Variants in DPH6 observed in about 807,000 individuals in gnomAD.
DPH6 encodes the protein diphthamine biosynthesis 6.
Under a neutral mutation model 38.2 loss-of-function variants are expected in DPH6, and 33 were observed. That is an observed-to-expected ratio of 0.86 (90% CI 0.65 to 1.15). The LOEUF (loss-of-function observed/expected upper bound fraction) is 1.15. DPH6 is among the 50% of genes most tolerant of loss of function. DPH6 has a pLI of 0.00. For synonymous variants in DPH6, 108 were observed against 103.0 expected (o/e 1.05, Z -0.30); for missense variants, 325 against 320.0 (o/e 1.02, Z -0.12).
At chr15:35,402,796 C>T (rs534568997) in intron 6 of DPH6, among the ~76,000 whole-genome samples, 3 of 151,874 alleles carry the variant, frequency 2.0e-5, no homozygotes, top group African/African-American at 7.2e-5. Flanking sequence ...AGAAAATAAC[C>T]AGAAATGTGC....
At chr15:35,441,844 G>A (rs2053793138) in intron 5 of DPH6, among the ~76,000 whole-genome samples, 4 of 152,002 alleles carry the variant, frequency 2.6e-5, no homozygotes, top group African/African-American at 9.7e-5. Flanking sequence ...GTATGTGTGT[G>A]TGTATACATA....
chr15:35,346,213 G>C (rs959978080), intron 3 of DPH6, among the ~76,000 whole-genome samples: 24 of 151,854 alleles, frequency 1.6e-4, no homozygotes, highest in African/African-American at 4.6e-4. Flanking sequence ...TCCCCCTTCT[G>C]TTTTCTGGGA....
At chr15:35,476,534 T>A (rs532263147) in intron 3 of DPH6, among the ~76,000 whole-genome samples, 1 of 151,960 alleles carries the variant, frequency 6.6e-6, no homozygotes, top group African/African-American at 2.4e-5. Flanking sequence ...CTAAAGTTTT[T>A]AAAAAATCCA....
the DPH6 span, among the ~76,000 whole-genome samples, chr15:35,172,551 C>A: frequency 6.6e-6 from 1 of 152,154 alleles, no homozygotes; most frequent in South Asian, 2.1e-4. Flanking sequence ...ATAATTAATT[C>A]CTAAAGCATA....
intron 3 of DPH6, chr15:35,520,732 T>C (rs965796794): frequency 5.1e-6 from 5 of 984,840 alleles, no homozygotes; most frequent in Admixed American, 6.2e-5. Flanking sequence ...AATTATAATA[T>C]GATCAAACCA....
chr15:35,376,324 T>A lies in DPH6; in HGVS notation c.663-2716A>T, dbSNP rs189766577. On this transcript the variant is annotated intron_variant, in intron 7 of 8. Transcript: ENST00000256538. Reference sequence around the variant, plus strand: ...AATTACACACTAATTAGTGAAACTATTAGAAACTCACAGTGATTTTTCAAT... The same window carrying A: ...AATTACACACTAATTAGTGAAACTAATAGAAACTCACAGTGATTTTTCAAT... Among the ~76,000 whole-genome samples the A allele has an allele frequency of 5.3e-3, 806 of 152,190 alleles. 8 individuals are homozygous for A. The highest frequency in any genetic ancestry group is 0.019 in the African/African-American group (777 of 41,510).
intron 6 of DPH6, among the ~76,000 whole-genome samples, chr15:35,384,746 TGAG>T (rs1252548027): frequency 5.0e-4 from 76 of 152,118 alleles, no homozygotes; most frequent in African/African-American, 1.8e-3. Flanking sequence ...CATGCAGGGA[TGAG>T]GAGAAGGAAC....
intron 7 of DPH6, among the ~76,000 whole-genome samples, chr15:35,379,050 C>A (rs778373123): frequency 2.4e-4 from 36 of 152,176 alleles, no homozygotes; most frequent in Admixed American, 5.2e-4. Context: ...AGAGGAGAAT[C>A]TGTTCCTTGC....
chr15:35,359,613 G>T (rs964870453), intron 3 of DPH6, among the ~76,000 whole-genome samples: 6 of 152,082 alleles, frequency 3.9e-5, no homozygotes, highest in African/African-American at 1.2e-4. Flanking sequence ...AGCTAAAGTC[G>T]GAAACTTCTC....
intron 3 of DPH6, among the ~76,000 whole-genome samples, chr15:35,263,257 T>C (rs538003150): frequency 6.6e-6 from 1 of 152,272 alleles, no homozygotes; most frequent in African/African-American, 2.4e-5. Flanking sequence ...AACCCTCCAG[T>C]GAGACTTTAT....
At chr15:35,502,137 G>A (rs965606153) in intron 3 of DPH6, among the ~76,000 whole-genome samples, 17 of 151,842 alleles carry the variant, frequency 1.1e-4, no homozygotes, top group African/African-American at 4.1e-4. Context: ...TGCTATTCTG[G>A]ACTTCTCTAT....
At chr15:35,500,381 A>T (rs2054610880) in intron 3 of DPH6, among the ~76,000 whole-genome samples, 1 of 152,132 alleles carries the variant, frequency 6.6e-6, no homozygotes, top group Non-Finnish European at 1.5e-5. Flanking sequence ...GCTCAATATG[A>T]TCCAAGTCAA....
intron 3 of DPH6, among the ~76,000 whole-genome samples, chr15:35,227,373 T>A (rs1227823957): frequency 6.6e-6 from 1 of 151,418 alleles, no homozygotes. Flanking sequence ...TTAGTAGAGA[T>A]AGGGTTTCAC....
chr15:35,369,766 C>T (rs2052694371), downstream of DPH6, among the ~76,000 whole-genome samples: 1 of 151,740 alleles, frequency 6.6e-6, no homozygotes, highest in African/African-American at 2.4e-5. Flanking sequence ...ATTGCATGTT[C>T]ATGGATAAAA....
At chr15:35,198,330 A>C in the DPH6 span, among the ~76,000 whole-genome samples, 1 of 152,212 alleles carries the variant, frequency 6.6e-6, no homozygotes, top group South Asian at 2.1e-4. Context: ...GTTTTCTATA[A>C]ATTCCAATCA....
At chr15:35,533,378 C>T (rs1463221402) in intron 3 of DPH6, among the ~76,000 whole-genome samples, 5 of 152,072 alleles carry the variant, frequency 3.3e-5, no homozygotes, top group Non-Finnish European at 5.9e-5. Context: ...ATATGTTACA[C>T]GTCAGATCAA....
At chr15:35,252,032 G>A (rs1221726415) in intron 3 of DPH6, among the ~76,000 whole-genome samples, 1 of 152,180 alleles carries the variant, frequency 6.6e-6, no homozygotes, top group Admixed American at 6.5e-5. Flanking sequence ...CCCAGCTACT[G>A]GAGAGGCTAA....
chr15:35,544,599 CATAT>C (rs2055315696), intron 1 of DPH6, among the ~76,000 whole-genome samples: 1 of 152,044 alleles, frequency 6.6e-6, no homozygotes, highest in Non-Finnish European at 1.5e-5. Context: ...ATATATAATG[CATAT>C]ATATAGAATA....
the DPH6 span, among the ~76,000 whole-genome samples, chr15:35,190,360 T>A: frequency 6.6e-6 from 1 of 152,292 alleles, no homozygotes; most frequent in African/African-American, 2.4e-5. Flanking sequence ...CAGGGGTTTT[T>A]AAGGATAAGT....
Sources: gnomAD v4.1 joint callset for allele counts (sites outside exome capture counted in the v4.1 genomes callset) on GRCh38, gnomAD v4.1.1 for gene constraint, MANE v1.5 for transcripts, NCBI Gene and HGNC (gene_info 2026-07-23, HGNC 2026-07-21) for gene names.